FAR1: variants seen among roughly 807,000 people sequenced by gnomAD.
FAR1 encodes male sterility domain-containing protein 2.
Under a neutral mutation model 61.1 loss-of-function variants are expected in FAR1, and 22 were observed. The ratio of observed to expected loss-of-function variants is 0.36; its 90% CI spans 0.26 to 0.51. The LOEUF is 0.51. FAR1 is among the 20% of genes least tolerant of loss of function. The pLI is 0.95. For missense variants in FAR1, 359 were observed against 626.9 expected (o/e 0.57, Z 4.56); for synonymous variants, 206 against 209.7 (o/e 0.98, Z 0.15).
chr11:13,714,958 C>T (rs555953458), intron 9 of FAR1, among the ~76,000 whole-genome samples: 2 of 152,198 alleles, frequency 1.3e-5, no homozygotes, highest in East Asian at 1.9e-4. Flanking sequence ...ATTGCTTTGA[C>T]GCTTATTTTT....
chr11:13,706,984 C>G (rs186313448), intron 3 of FAR1, among the ~76,000 whole-genome samples: 48 of 152,242 alleles, frequency 3.2e-4, no homozygotes, highest in African/African-American at 1.1e-3. Flanking sequence ...AGGTCTGATT[C>G]CAGAGCCTTG....
Position 13,712,997 on chromosome 11 carries a change from A to G in FAR1, c.919A>G (p.Thr307Ala). The G allele has an allele frequency of 6.2e-7, 1 of 1,613,208 alleles. No individual in the cohort carries two copies. Among genetic ancestry groups the G allele is most frequent in the Non-Finnish European group, 8.5e-7 (1 of 1,179,324 alleles). Reference sequence around the variant, plus strand: ...AAACATCATGGTGTATAATTGTACAACAGGCAGCACTAATCCTTTCCACTG... The same window carrying G: ...AAACATCATGGTGTATAATTGTACAGCAGGCAGCACTAATCCTTTCCACTG... ...PRNIMVYNCT[T>A]GSTNPFHWGE... The change falls in exon 8 of 12, where the codon ACA becomes GCA. Residue 307 changes from threonine (T) to alanine (A), a missense_variant. Physicochemically the swap from Thr to Ala is moderately conservative, Grantham distance 58. Around this residue, in one of 2 missense-constraint regions of FAR1, gnomAD observed 344 missense variants for 570.3 expected, o/e 0.60. Coordinates refer to ENST00000354817, the MANE Select transcript of FAR1 (RefSeq NM_032228.6).
intron 1 of FAR1, among the ~76,000 whole-genome samples, chr11:13,678,711 G>T (rs1848093733): frequency 6.8e-6 from 1 of 147,414 alleles, no homozygotes. Context: ...GGCTTAGATA[G>T]AATTTAGTGG....
At chr11:13,713,864 A>G (rs1201318494) in intron 8 of FAR1, among the ~76,000 whole-genome samples, 1 of 152,152 alleles carries the variant, frequency 6.6e-6, no homozygotes, top group African/African-American at 2.4e-5. Flanking sequence ...TATTCTTTTA[A>G]GAATATTTAA....
At chr11:13,723,387 CAA>C (rs747837539) in intron 10 of FAR1, 68 of 389,966 alleles carry the variant, frequency 1.7e-4, no homozygotes, top group South Asian at 1.3e-3. Flanking sequence ...AAAAAAACCC[CAA>C]AAAAAAACTT....
Position 13,727,603 on chromosome 11 carries a change from G to T in FAR1, c.1305G>T (p.Glu435Asp). The T allele has an allele frequency of 6.2e-7, 1 of 1,610,684 alleles. No homozygotes were observed. The highest frequency in any genetic ancestry group is 1.1e-5 in the South Asian group (1 of 90,894). ...VRQLHWAEYI[E>D]NYCLGTKKYV... is the part of the protein sequence containing the mutation. ...AGTTACATTGGGCAGAATATATAGA[G>T]AACTACTGCTTGGGAACTAAGAAGT... is the stretch of plus-strand genomic sequence containing the variant. The change falls in exon 11 of 12, where the codon GAG becomes GAT. Residue 435 changes from glutamate (E) to aspartate (D), a missense_variant. Glu to Asp is a conservative substitution (Grantham distance 45). Around this residue, in one of 2 missense-constraint regions of FAR1, gnomAD observed 344 missense variants for 570.3 expected, o/e 0.60. Transcript: ENST00000354817.
Position 13,710,813 on chromosome 11 carries a change from A to G in FAR1, c.666A>G (p.Leu222=), listed in dbSNP as rs371311197. 4 of 1,613,006 alleles carry G rather than the reference A, an allele frequency of 2.5e-6. No homozygotes were observed. In the African/African-American group the frequency reaches 4.0e-5, roughly 16 times the overall value. Residue 222 remains leucine, a synonymous_variant, in exon 5 of 12, where the codon CTA becomes CTG. Transcript: ENST00000354817. ...TTGTACAACAAGAAGGAGCAAAACTAAATGTGGCAATTGTAAGGCCATCGA... is the reference window on the plus strand; with the variant it reads ...TTGTACAACAAGAAGGAGCAAAACTGAATGTGGCAATTGTAAGGCCATCGA... ...EYVVQQEGAK[L]NVAIVRPSIV...
At chr11:13,695,463 A>C (rs1341962138) in intron 2 of FAR1, among the ~76,000 whole-genome samples, 1 of 152,208 alleles carries the variant, frequency 6.6e-6, no homozygotes, top group Non-Finnish European at 1.5e-5. Context: ...TTGGAAAAAT[A>C]TTACTAAGAA....
intron 1 of FAR1, among the ~76,000 whole-genome samples, chr11:13,694,102 T>C (rs7130044): frequency 0.31 from 47,880 of 152,074 alleles, 7,811 homozygotes; most frequent in South Asian, 0.38. Flanking sequence ...TTTTATTTTT[T>C]CTTTCATTAT....
At chr11:13,726,103 T>A (rs571857585) in intron 10 of FAR1, among the ~76,000 whole-genome samples, 11 of 152,242 alleles carry the variant, frequency 7.2e-5, no homozygotes, top group Non-Finnish European at 1.5e-4. Context: ...TAGTGAAGGA[T>A]CAGCATGTAT....
At chr11:13,708,461 A>G (rs1300426120) in intron 4 of FAR1, among the ~76,000 whole-genome samples, 6 of 147,206 alleles carry the variant, frequency 4.1e-5, no homozygotes, top group African/African-American at 1.5e-4. Flanking sequence ...ACACACACAC[A>G]CACACACACA....
intron 2 of FAR1, among the ~76,000 whole-genome samples, chr11:13,697,495 T>C (rs1848321276): frequency 6.6e-6 from 1 of 151,896 alleles, no homozygotes; most frequent in African/African-American, 2.4e-5. Flanking sequence ...TAGTTGATCA[T>C]GAAGTAAATT....
intron 1 of FAR1, among the ~76,000 whole-genome samples, chr11:13,694,425 C>T (rs1848287246): frequency 6.6e-6 from 1 of 152,142 alleles, no homozygotes; most frequent in Non-Finnish European, 1.5e-5. Context: ...TAGGGTATAA[C>T]TGAGGTTGAA....
intron 1 of FAR1, among the ~76,000 whole-genome samples, chr11:13,678,511 G>A (rs188564640): frequency 7.3e-4 from 111 of 152,208 alleles, no homozygotes; most frequent in African/African-American, 2.5e-3. Context: ...TGATCCACCC[G>A]CCTCGGCCTC....
chr11:13,704,938 T>G lies in FAR1; in HGVS notation c.366-2962T>G, dbSNP rs923671034. On this transcript the variant is annotated intron_variant, in intron 3 of 11. Coordinates refer to ENST00000354817, the MANE Select transcript of FAR1 (RefSeq NM_032228.6). ...TTAATAAACTGCTAGTTATATGTTA[T>G]GCCAAGTATGAGAACCCTGGTTTAA... 1.4e-4 allele frequency among the ~76,000 whole-genome samples: 22 copies of G among 152,306 alleles called. No homozygotes were observed. The East Asian group carries it at 4.2e-3, about 29-fold the overall frequency.
At position 13,678,871 on chromosome 11, in the gene FAR1, G is replaced by C. The variant is rs139612913; in HGVS notation, c.-8+10065G>C. Among the ~76,000 whole-genome samples, 220 of 152,198 alleles carry C rather than the reference G, an allele frequency of 1.4e-3. 1 individual carries two copies. Among genetic ancestry groups the C allele is most frequent in the African/African-American group, 5.1e-3 (212 of 41,532 alleles). On this transcript the variant is annotated intron_variant, in intron 1 of 11. Transcript: ENST00000354817. ...GACTGAGTCCTGTTTTTAGGTTCAG[G>C]CTTGAGAACAAGATTCAGAAGGCAG... is the stretch of plus-strand genomic sequence containing the variant.
At chr11:13,682,751 G>T (rs1848142059) in intron 1 of FAR1, among the ~76,000 whole-genome samples, 1 of 151,984 alleles carries the variant, frequency 6.6e-6, no homozygotes, top group African/African-American at 2.4e-5. Context: ...TAGAATCACA[G>T]GTGTGCACCA....
At chr11:13,719,229 A>G (rs895214351) in intron 9 of FAR1, among the ~76,000 whole-genome samples, 7 of 152,186 alleles carry the variant, frequency 4.6e-5, no homozygotes, top group Non-Finnish European at 1.0e-4. Context: ...CAGTCTTCTT[A>G]ACTGAGGTTT....
intron 9 of FAR1, among the ~76,000 whole-genome samples, chr11:13,719,076 C>T (rs1481626140): frequency 6.6e-6 from 1 of 152,154 alleles, no homozygotes; most frequent in East Asian, 1.9e-4. Context: ...CCACCTCATT[C>T]TGTTGGTTCT....
Sources: allele counts gnomAD v4.1 joint callset (sites outside exome capture counted in the v4.1 genomes callset), GRCh38; gene constraint gnomAD v4.1.1; regional missense constraint gnomAD v4.1.1; transcripts MANE v1.5; gene names NCBI Gene and HGNC (gene_info 2026-07-23, HGNC 2026-07-21).